The following BBS9 variants were observed in gnomAD, a reference collection of about 807,000 sequenced individuals.
BBS9 encodes the protein Bardet-Biedl syndrome 9.
Under a neutral mutation model 117.7 loss-of-function variants are expected in BBS9, and 89 were observed. The observed-to-expected ratio is 0.76, with a 90% CI of 0.64 to 0.90. The LOEUF is 0.90. Ranked by LOEUF, BBS9 falls within the 40% of genes least tolerant of loss-of-function variation. The pLI is 0.00. For missense variants in BBS9, 982 were observed against 1,042.2 expected (o/e 0.94, Z 0.80); for synonymous variants, 379 against 370.9 (o/e 1.02, Z -0.25).
At chr7:33,389,248 CACA>C (rs1296818343) in intron 19 of BBS9, among the ~76,000 whole-genome samples, 2 of 152,128 alleles carry the variant, frequency 1.3e-5, no homozygotes, top group Non-Finnish European at 2.9e-5. Flanking sequence ...GGTCCTTTAT[CACA>C]ACATTTCTGC....
At chr7:33,327,355 T>C (rs942082505) in intron 9 of BBS9, among the ~76,000 whole-genome samples, 2 of 152,058 alleles carry the variant, frequency 1.3e-5, no homozygotes, top group African/African-American at 4.8e-5. Context: ...TAGAGGCACA[T>C]GTATAGAAGT....
At chr7:33,592,235 T>G (rs1862042150) in intron 21 of BBS9, among the ~76,000 whole-genome samples, 2 of 152,104 alleles carry the variant, frequency 1.3e-5, no homozygotes, top group South Asian at 4.1e-4. Context: ...TAGCTAACAT[T>G]TACTGGGAGT....
At chr7:33,353,624 T>C (rs1460998574) in intron 15 of BBS9, among the ~76,000 whole-genome samples, 1 of 146,002 alleles carries the variant, frequency 6.8e-6, no homozygotes, top group Non-Finnish European at 1.5e-5. Context: ...AGACTTAATG[T>C]GGTAGTTTAT....
chr7:33,408,522 T>G (rs913255581), intron 19 of BBS9, among the ~76,000 whole-genome samples: 2 of 152,216 alleles, frequency 1.3e-5, no homozygotes, highest in Admixed American at 1.3e-4. Context: ...ATCACCTGTC[T>G]TCTGCGTCGC....
At chr7:33,252,221 A>G (rs909229733) in intron 5 of BBS9, among the ~76,000 whole-genome samples, 12 of 152,192 alleles carry the variant, frequency 7.9e-5, no homozygotes, top group African/African-American at 2.9e-4. Context: ...TAAGCCATTC[A>G]TGAAGGACCA....
chr7:33,434,544 G>A (rs1223450888), intron 19 of BBS9, among the ~76,000 whole-genome samples: 2 of 152,064 alleles, frequency 1.3e-5, no homozygotes, highest in Non-Finnish European at 2.9e-5. Context: ...CGGAAATATG[G>A]TGTAGGGGTC....
chr7:33,247,929 T>G (rs1795614668), intron 5 of BBS9, among the ~76,000 whole-genome samples: 1 of 148,544 alleles, frequency 6.7e-6, no homozygotes, highest in East Asian at 2.0e-4. Flanking sequence ...AATCAATGGT[T>G]GTAATTTTCT....
At chr7:33,418,582 G>A (rs1229823841) in intron 19 of BBS9, among the ~76,000 whole-genome samples, 2 of 152,212 alleles carry the variant, frequency 1.3e-5, no homozygotes, top group African/African-American at 4.8e-5. Flanking sequence ...TGCTTTACAA[G>A]CTAGAGGCTC....
intron 19 of BBS9, among the ~76,000 whole-genome samples, chr7:33,483,855 C>T (rs1324522261): frequency 5.3e-5 from 8 of 152,062 alleles, no homozygotes; most frequent in African/African-American, 1.9e-4. Context: ...CCAGGCTGGT[C>T]TCAAACTCCT....
intron 5 of BBS9, among the ~76,000 whole-genome samples, chr7:33,220,186 G>C (rs1322944198): frequency 2.0e-5 from 3 of 152,122 alleles, no homozygotes; most frequent in African/African-American, 7.2e-5. Flanking sequence ...TATAATTGCA[G>C]TTTATTTTGC....
intron 5 of BBS9, among the ~76,000 whole-genome samples, chr7:33,204,560 G>A (rs371988877): frequency 2.0e-5 from 3 of 152,016 alleles, no homozygotes; most frequent in East Asian, 1.9e-4. Context: ...ATATTATTTT[G>A]AGGGCTTATT....
intron 19 of BBS9, among the ~76,000 whole-genome samples, chr7:33,492,426 G>A (rs939001805): frequency 6.6e-6 from 1 of 151,994 alleles, no homozygotes; most frequent in Non-Finnish European, 1.5e-5. Flanking sequence ...GACCTCCTGG[G>A]ATTAAATTAC....
chr7:33,432,644 G>A (rs1834689847), intron 19 of BBS9, among the ~76,000 whole-genome samples: 1 of 152,090 alleles, frequency 6.6e-6, no homozygotes, highest in Non-Finnish European at 1.5e-5. Flanking sequence ...GATAAAAAAT[G>A]CACCTAGAAA....
At chr7:33,218,031 G>A (rs994728918) in intron 5 of BBS9, among the ~76,000 whole-genome samples, 1 of 152,040 alleles carries the variant, frequency 6.6e-6, no homozygotes, top group African/African-American at 2.4e-5. Flanking sequence ...ATTTGTAGTA[G>A]GTTTAAAAAT....
intron 21 of BBS9, among the ~76,000 whole-genome samples, chr7:33,558,845 A>C (rs1388726086): frequency 6.6e-6 from 1 of 152,234 alleles, no homozygotes; most frequent in African/African-American, 2.4e-5. Flanking sequence ...AACATTTGAG[A>C]AAATGAATAA....
chr7:33,427,908 C>T (rs1833876369), intron 19 of BBS9, among the ~76,000 whole-genome samples: 1 of 152,102 alleles, frequency 6.6e-6, no homozygotes, highest in South Asian at 2.1e-4. Flanking sequence ...TTATTTTATG[C>T]ATGAGGAAAC....
intron 6 of BBS9, among the ~76,000 whole-genome samples, chr7:33,263,106 A>G (rs1030031435): frequency 2.1e-4 from 1 of 4,680 alleles, no homozygotes; most frequent in Non-Finnish European, 4.8e-4. Context: ...TTTCATATTA[A>G]TAAGATCTAT....
At chr7:33,264,468 A>G in intron 7 of BBS9, 94 bp downstream of exon 7, 2 of 771,286 alleles carry the variant, frequency 2.6e-6, no homozygotes, top group Non-Finnish European at 4.1e-6. Context: ...AAATGTAAAA[A>G]AATATGTCAG....
intron 21 of BBS9, among the ~76,000 whole-genome samples, chr7:33,585,170 T>C (rs112232507): frequency 0.014 from 2,056 of 152,230 alleles, 26 homozygotes; most frequent in Non-Finnish European, 0.021. Context: ...CAGTGCAAGA[T>C]GTTTTTAGAC....
Sources: gnomAD v4.1 joint callset for allele counts (sites outside exome capture counted in the v4.1 genomes callset) on GRCh38, gnomAD v4.1.1 for gene constraint, MANE v1.5 for transcripts, NCBI Gene and HGNC (gene_info 2026-07-23, HGNC 2026-07-21) for gene names.